ADCY9: variants seen among roughly 807,000 people sequenced by gnomAD.
The protein encoded by ADCY9 is adenylate cyclase 9, also known as adenylate cyclase type 9.
Under a neutral mutation model 101.5 loss-of-function variants are expected in ADCY9, and 50 were observed. The observed-to-expected ratio is 0.49, with a 90% CI of 0.39 to 0.62. ADCY9 has a LOEUF of 0.62. Ranked by LOEUF, ADCY9 falls within the 20% of genes least tolerant of loss-of-function variation. The probability of loss-of-function intolerance (pLI) is 0.00; values close to 1 mark genes in which losing one functional copy is unlikely to be tolerated. For missense variants in ADCY9, 1,662 were observed against 1,800.4 expected, an observed-to-expected ratio of 0.92 and a Z score of 1.39; for synonymous variants, 905 against 769.3, an observed-to-expected ratio of 1.18 and a Z score of -2.92.
chr16:4,069,149 T>C (rs556260470), intron 2 of ADCY9, among the ~76,000 whole-genome samples: 8 of 152,210 alleles, frequency 5.3e-5, no homozygotes, highest in Non-Finnish European at 8.8e-5. Flanking sequence ...CCACCAACAG[T>C]GTTTCAGAGG....
In ADCY9 at chr16:4,055,748, G is replaced by A. The variant is rs542037487; in HGVS notation, c.1694-48190C>T. ...ACTTGGGAGGCTGAGGCAGGAGAACGGCATGAACCCAGAAGGCAGAGCTTG... is the reference window on the plus strand; with the variant it reads ...ACTTGGGAGGCTGAGGCAGGAGAACAGCATGAACCCAGAAGGCAGAGCTTG... On this transcript the variant is annotated intron_variant, in intron 2 of 10. Coordinates refer to ENST00000294016, the MANE Select transcript of ADCY9 (RefSeq NM_001116.4). Among the ~76,000 whole-genome samples, 16 of 152,128 alleles carry A rather than the reference G, an allele frequency of 1.1e-4. No homozygotes were observed. The South Asian group carries it at 2.5e-3, about 24-fold the overall frequency.
intron 5 of ADCY9, among the ~76,000 whole-genome samples, chr16:3,955,501 T>A (rs188018851): frequency 6.6e-6 from 1 of 152,352 alleles, no homozygotes; most frequent in Admixed American, 6.5e-5. Flanking sequence ...TCAGGTTGGA[T>A]GAGGACTTTA....
At chr16:4,049,777 G>C (rs2056688873) in intron 2 of ADCY9, among the ~76,000 whole-genome samples, 1 of 152,096 alleles carries the variant, frequency 6.6e-6, no homozygotes, top group Non-Finnish European at 1.5e-5. Flanking sequence ...CTTTTTCTTA[G>C]CTTATGTTGT....
intron 2 of ADCY9, among the ~76,000 whole-genome samples, chr16:4,046,703 T>C (rs1264077396): frequency 1.3e-5 from 2 of 152,154 alleles, no homozygotes; most frequent in Non-Finnish European, 1.5e-5. Context: ...CAGATCATCT[T>C]AAAGCAAGAT....
chr16:4,090,092 G>A (rs1444826124), intron 2 of ADCY9, among the ~76,000 whole-genome samples: 1 of 152,068 alleles, frequency 6.6e-6, no homozygotes, highest in Non-Finnish European at 1.5e-5. Flanking sequence ...CCCAACAAGG[G>A]CACTTTTCAG....
chr16:4,015,941 C>T (rs1224982117), intron 2 of ADCY9, among the ~76,000 whole-genome samples: 1 of 150,472 alleles, frequency 6.6e-6, no homozygotes, highest in Non-Finnish European at 1.5e-5. Flanking sequence ...GCACTCTAGC[C>T]TGGGTGACAG....
chr16:3,989,229 A>T, intron 5 of ADCY9, 133 bp from the exon 6 acceptor site: 1 of 630,228 alleles, frequency 1.6e-6, no homozygotes, highest in Non-Finnish European at 2.8e-6. Flanking sequence ...GCGCCTGTGG[A>T]ACAGACGCCA....
chr16:4,040,831 C>T lies in ADCY9; in HGVS notation c.1694-33273G>A, dbSNP rs377027010. On this transcript the variant is annotated intron_variant, in intron 2 of 10. Transcript: ENST00000294016. ...AAAGTATCTACACGAGTCTTTTCAC[C>T]TATTGACTGAACTGTCTTTAATAAT... 3.9e-5 allele frequency among the ~76,000 whole-genome samples: 6 copies of T among 152,230 alleles called. No individual in the cohort carries two copies. In the East Asian group the frequency reaches 1.2e-3, roughly 29 times the overall value.
chr16:3,972,184 A>T (rs13334369), intron 10 of ADCY9, among the ~76,000 whole-genome samples: 13,573 of 152,056 alleles, frequency 0.089, 1,150 homozygotes, highest in East Asian at 0.22. Context: ...CCTATTCCTA[A>T]ATTCAAATAG....
At chr16:4,014,315 T>G (rs1277292290) in intron 2 of ADCY9, among the ~76,000 whole-genome samples, 1 of 136,598 alleles carries the variant, frequency 7.3e-6, no homozygotes, top group Non-Finnish European at 1.6e-5. Flanking sequence ...TGAGACTTTG[T>G]CTCAAAAAAG....
rs1045476 is a variant in ADCY9, at chr16:3,965,312, A to G, written c.*463T>C. ...CTTACATAGAGAGGTCGGGTCGTAG[A>G]GGAACACTGTGACATAGACAGAAAC... On this transcript the variant is annotated 3_prime_UTR_variant, in exon 11 of 11. Coordinates refer to ENST00000294016, the MANE Select transcript of ADCY9 (RefSeq NM_001116.4). 120,091 of 175,132 alleles carry G rather than the reference A, an allele frequency of 0.69. 44,758 individuals carry two copies. The highest frequency in any genetic ancestry group is 0.83 in the Non-Finnish European group (67,562 of 81,846). The allele number at this position is 175,132 out of a possible 1,614,324, so 10.8% of individuals were successfully genotyped here. A position where few individuals can be genotyped will look rare whatever the true frequency, so the allele number is the denominator to read the frequency against.
At position 3,992,469 on chromosome 16, in the gene ADCY9, T is replaced by G. The variant is rs2239308; in HGVS notation, c.1990-106A>C. On this transcript the variant is annotated intron_variant, in intron 4 of 10. Transcript: ENST00000294016. The surrounding 1 kb of genome is among the most constrained non-coding windows in gnomAD (Gnocchi z 4.2). ...CCTCCGCTGCGGGGCGCTGCTGCAC[T>G]GGGCGTGGGACTTTCTGACCTGCGA... 7 of 1,032,230 alleles carry G rather than the reference T, an allele frequency of 6.8e-6. No individual in the cohort carries two copies. Among genetic ancestry groups the G allele is most frequent in the Non-Finnish European group, 9.9e-6 (7 of 709,214 alleles). 63.9% of individuals were successfully genotyped at this position (1,032,230 alleles called of 1,614,324 possible). A position where few individuals can be genotyped will look rare whatever the true frequency, so the allele number is the denominator to read the frequency against.
Position 4,115,432 on chromosome 16 carries a change from G to C in ADCY9, c.11C>G (p.Pro4Arg). The change falls in exon 2 of 11, where the codon CCA (proline) becomes CGA (arginine). Residue 4 changes from proline to arginine, a missense_variant. By Grantham distance (103) the Pro-to-Arg change is moderately radical. Coordinates refer to ENST00000294016, the MANE Select transcript of ADCY9 (RefSeq NM_001116.4). The surrounding 1 kb of genome is among the most constrained non-coding windows in gnomAD (Gnocchi z 6.2). The stretch of plus-strand genomic sequence containing the variant: ...GTGATGCAGCAGCTGCTGGTGGGGT[G>C]GGGAAGCCATGTTGTCGAGTCCCGG... MASPPHQQLLHHHS... is the reference protein window; with the variant it reads MASRPHQQLLHHHS... 3.9e-6 allele frequency: 6 copies of C among 1,548,030 alleles called. No homozygotes were observed. Among genetic ancestry groups the C allele is most frequent in the South Asian group, 1.2e-5 (1 of 83,954 alleles).
chr16:4,041,755 G>GGGT (rs1274334787), intron 2 of ADCY9, among the ~76,000 whole-genome samples: 1 of 135,962 alleles, frequency 7.4e-6, no homozygotes, highest in African/African-American at 2.7e-5. Context: ...GATTTTTTTT[G>GGGT]TTTTTTTTTT....
intron 2 of ADCY9, among the ~76,000 whole-genome samples, chr16:4,073,342 C>A (rs1204548357): frequency 1.3e-5 from 2 of 152,024 alleles, no homozygotes; most frequent in Non-Finnish European, 2.9e-5. Flanking sequence ...TCTCCTCAGC[C>A]TCCCAAAGTG....
intron 8 of ADCY9, among the ~76,000 whole-genome samples, chr16:3,978,293 G>A (rs1452591300): frequency 6.6e-6 from 1 of 152,100 alleles, no homozygotes; most frequent in Non-Finnish European, 1.5e-5. Context: ...GGGGCCCAGT[G>A]AGATGTGATT....
intron 2 of ADCY9, among the ~76,000 whole-genome samples, chr16:4,096,879 C>T (rs559661487): frequency 7.9e-5 from 12 of 151,770 alleles, no homozygotes; most frequent in South Asian, 2.1e-4. Context: ...GCTTTTTCCC[C>T]GCTTTGGAAG....
chr16:4,089,798 C>T lies in ADCY9; in HGVS notation c.1693+23952G>A, dbSNP rs934666249. On this transcript the variant is annotated intron_variant, in intron 2 of 10. Transcript: ENST00000294016. The stretch of plus-strand genomic sequence containing the variant: ...CTCCAAAATTTTCCACCAGTGCCTG[C>T]GTGCCAAGGTGGCTTCCAAAGAGAG... Among the ~76,000 whole-genome samples the T allele has an allele frequency of 3.3e-5, 5 of 152,114 alleles. No individual in the cohort carries two copies. The South Asian group carries it at 1.0e-3, about 32-fold the overall frequency.
chr16:4,048,544 T>C (rs1024836570), intron 2 of ADCY9, among the ~76,000 whole-genome samples: 1 of 152,154 alleles, frequency 6.6e-6, no homozygotes, highest in Non-Finnish European at 1.5e-5. Context: ...CTACAACTCC[T>C]GCACTTGTAG....
Sources: allele counts gnomAD v4.1 joint callset (sites outside exome capture counted in the v4.1 genomes callset), GRCh38; gene constraint gnomAD v4.1.1; non-coding constraint Gnocchi (gnomAD v3.1); transcripts MANE v1.5; gene names NCBI Gene and HGNC (gene_info 2026-07-23, HGNC 2026-07-21).